PLXNA2: variants seen among roughly 807,000 people sequenced by gnomAD.
The protein encoded by PLXNA2 is plexin A2, also known as plexin-A2.
In PLXNA2, 91 loss-of-function variants were observed where a neutral mutation model predicts 193.5. That is an observed-to-expected ratio of 0.47 (90% CI 0.40 to 0.56). The LOEUF (loss-of-function observed/expected upper bound fraction) is 0.56, where lower values mean the gene tolerates loss of function less well. Among genes scored for constraint, PLXNA2 ranks in the 20% least tolerant of loss-of-function variants. The probability of loss-of-function intolerance (pLI) is 0.00; values close to 1 mark genes in which losing one functional copy is unlikely to be tolerated. For synonymous variants in PLXNA2, 997 were observed against 1,027.3 expected, an observed-to-expected ratio of 0.97 and a Z score of 0.56; for missense variants, 1,995 against 2,503.2, an observed-to-expected ratio of 0.80 and a Z score of 4.33.
At chr1:208,130,815 T>C (rs1175684776) in intron 4 of PLXNA2, among the ~76,000 whole-genome samples, 1 of 152,068 alleles carries the variant, frequency 6.6e-6, no homozygotes, top group Non-Finnish European at 1.5e-5. Flanking sequence ...TCAACCCCAT[T>C]GAGAAACCTT....
In PLXNA2 at chr1:208,172,026, T is replaced by TAAA. The variant is rs112716826; in HGVS notation, c.1372-29566_1372-29564dup. ...GCAGAAGTAATTGTGGGTTTTGCCA[T>TAAA]AAAAAAAAAAAAGGCAAAACCCGCA... On this transcript the variant is annotated intron_variant, in intron 3 of 31. Coordinates refer to ENST00000367033, the MANE Select transcript of PLXNA2 (RefSeq NM_025179.4). Among the ~76,000 whole-genome samples, 183 of 135,152 alleles carry TAAA rather than the reference T, an allele frequency of 1.4e-3. 1 individual carries two copies. The highest frequency in any genetic ancestry group is 1.8e-3 in the Non-Finnish European group (116 of 62,820). The allele number at this position is 135,152 out of a possible 152,430, so 88.7% of individuals were successfully genotyped here.
intron 8 of PLXNA2, among the ~76,000 whole-genome samples, chr1:208,094,012 C>T (rs1666796070): frequency 6.6e-6 from 1 of 152,194 alleles, no homozygotes; most frequent in Non-Finnish European, 1.5e-5. Flanking sequence ...GGCTCACAGG[C>T]CATAGTATGT....
intron 1 of PLXNA2, among the ~76,000 whole-genome samples, chr1:208,223,301 A>T (rs1671404863): frequency 6.6e-6 from 1 of 151,994 alleles, no homozygotes; most frequent in African/African-American, 2.4e-5. Flanking sequence ...AGGGCGACTC[A>T]AAGTGAGTCA....
At chr1:208,030,514 G>T (rs1664468419) in intron 29 of PLXNA2, 8 of 985,222 alleles carry the variant, frequency 8.1e-6, no homozygotes, top group Non-Finnish European at 9.6e-6. Flanking sequence ...TTAACCCCAG[G>T]GCCACCCCAG....
chr1:208,032,729 A>G (rs1344830369), intron 28 of PLXNA2, among the ~76,000 whole-genome samples: 2 of 152,082 alleles, frequency 1.3e-5, no homozygotes, highest in Non-Finnish European at 2.9e-5. Flanking sequence ...ATGGGATGGG[A>G]AGAGGAAGCC....
chr1:208,095,892 C>A (rs2102407438), intron 8 of PLXNA2, 137 bp downstream of exon 8: 2 of 710,166 alleles, frequency 2.8e-6, no homozygotes, highest in Non-Finnish European at 5.1e-6. Context: ...TCTGTCCAAA[C>A]AAAGTGTCAG....
At chr1:208,061,875 G>C (rs1241374674) in intron 12 of PLXNA2, among the ~76,000 whole-genome samples, 1 of 152,140 alleles carries the variant, frequency 6.6e-6, no homozygotes, top group Non-Finnish European at 1.5e-5. Context: ...GATAGCAGAG[G>C]AACACAGAAT....
At chr1:208,084,292 C>A in intron 10 of PLXNA2, 88 bp downstream of exon 10, 7 of 1,411,202 alleles carry the variant, frequency 5.0e-6, no homozygotes, top group Non-Finnish European at 6.9e-6. Context: ...TGGAAGGCTC[C>A]GGAAGCCAGG....
chr1:208,204,942 A>T (rs550642966), intron 3 of PLXNA2, among the ~76,000 whole-genome samples: 1 of 152,296 alleles, frequency 6.6e-6, no homozygotes, highest in East Asian at 1.9e-4. Context: ...CTGCTGTTTA[A>T]GGTCCCTGGG....
intron 3 of PLXNA2, among the ~76,000 whole-genome samples, chr1:208,176,007 C>T (rs574652317): frequency 1.3e-5 from 2 of 152,274 alleles, no homozygotes; most frequent in South Asian, 4.1e-4. Context: ...GCCTTACGTA[C>T]CCTCCTTCTC....
intron 9 of PLXNA2, among the ~76,000 whole-genome samples, chr1:208,087,398 G>GTTT (rs35601723): frequency 3.5e-5 from 5 of 144,002 alleles, no homozygotes; most frequent in Non-Finnish European, 3.0e-5. Context: ...TATTACATGA[G>GTTT]TTTTTTTTTT....
At chr1:208,095,987 A>G in intron 8 of PLXNA2, 42 bp downstream of exon 8, 3 of 1,468,546 alleles carry the variant, frequency 2.0e-6, no homozygotes, top group Non-Finnish European at 1.9e-6. Flanking sequence ...GCCCATACCC[A>G]CATCCAGACC....
At chr1:208,126,135 A>G (rs972293785) in intron 4 of PLXNA2, among the ~76,000 whole-genome samples, 2 of 152,226 alleles carry the variant, frequency 1.3e-5, no homozygotes, top group African/African-American at 4.8e-5. Context: ...AGCAGGCCTC[A>G]GGGACTTGAA....
chr1:208,120,445 T>G (rs1408642130), intron 4 of PLXNA2, among the ~76,000 whole-genome samples: 1 of 152,046 alleles, frequency 6.6e-6, no homozygotes, highest in Non-Finnish European at 1.5e-5. Flanking sequence ...AGGCAGCACT[T>G]TTCGGGTTCT....
intron 14 of PLXNA2, among the ~76,000 whole-genome samples, chr1:208,053,329 G>A (rs778778846): frequency 2.0e-5 from 3 of 152,102 alleles, no homozygotes; most frequent in South Asian, 2.1e-4. Flanking sequence ...GCCCCTCTCC[G>A]CTCTGACTTG....
intron 5 of PLXNA2, among the ~76,000 whole-genome samples, chr1:208,102,533 C>T (rs578124144): frequency 4.6e-4 from 70 of 152,360 alleles, no homozygotes; most frequent in African/African-American, 1.5e-3. Flanking sequence ...AATAATGAGA[C>T]CAGAAGGGTC....
intron 9 of PLXNA2, among the ~76,000 whole-genome samples, chr1:208,089,273 A>C (rs1666633540): frequency 6.6e-6 from 1 of 152,166 alleles, no homozygotes; most frequent in South Asian, 2.1e-4. Context: ...CCATAGCCTG[A>C]ATCCTCATGA....
intron 4 of PLXNA2, among the ~76,000 whole-genome samples, chr1:208,108,271 T>C (rs1237704613): frequency 2.0e-5 from 3 of 152,154 alleles, no homozygotes; most frequent in Non-Finnish European, 2.9e-5. Flanking sequence ...GGGAAGCCAC[T>C]GGACCCAGCC....
chr1:208,137,753 T>G (rs1303156813), intron 4 of PLXNA2, among the ~76,000 whole-genome samples: 1 of 152,210 alleles, frequency 6.6e-6, no homozygotes, highest in African/African-American at 2.4e-5. Flanking sequence ...CAACACTTAC[T>G]AGTCCTATTT....
Sources: allele counts gnomAD v4.1 joint callset (sites outside exome capture counted in the v4.1 genomes callset), GRCh38; gene constraint gnomAD v4.1.1; transcripts MANE v1.5; gene names NCBI Gene and HGNC (gene_info 2026-07-23, HGNC 2026-07-21).